Variants in CCDC186 observed in about 807,000 individuals in gnomAD.
CCDC186 encodes the protein coiled-coil domain containing 186.
In CCDC186, 49 loss-of-function variants were observed where a neutral mutation model predicts 113.7. That is an observed-to-expected ratio of 0.43 (90% CI 0.34 to 0.55). The LOEUF (loss-of-function observed/expected upper bound fraction) is 0.55. CCDC186 is among the 20% of genes least tolerant of loss of function. The pLI, the probability that CCDC186 is intolerant of heterozygous loss-of-function variation, is 0.02. For synonymous variants in CCDC186, 355 were observed against 345.8 expected, an observed-to-expected ratio of 1.03 and a Z score of -0.30; for missense variants, 890 against 1,011.1, an observed-to-expected ratio of 0.88 and a Z score of 1.62.
intron 7 of CCDC186, among the ~76,000 whole-genome samples, chr10:114,136,893 T>C (rs1589612332): frequency 6.6e-6 from 1 of 152,106 alleles, no homozygotes; most frequent in African/African-American, 2.4e-5. Flanking sequence ...CTGAGGCGGG[T>C]GGCTCCCGAA....
chr10:114,135,478 C>T (rs1238967959), intron 9 of CCDC186, among the ~76,000 whole-genome samples: 1 of 152,102 alleles, frequency 6.6e-6, no homozygotes, highest in Non-Finnish European at 1.5e-5. Flanking sequence ...ACTATAAACA[C>T]GAAGAGGACT....
chr10:114,165,075 A>G (rs2032296975), intron 1 of CCDC186, among the ~76,000 whole-genome samples: 1 of 152,264 alleles, frequency 6.6e-6, no homozygotes, highest in African/African-American at 2.4e-5. Flanking sequence ...AGAAAGGAAA[A>G]GTAGACCAGC....
chr10:114,135,766 T>C, intron 9 of CCDC186, 125 bp downstream of exon 9: 2 of 749,252 alleles, frequency 2.7e-6, no homozygotes, highest in Non-Finnish European at 2.1e-6. Context: ...TCTACTCTAC[T>C]GAGTTCCTTT....
At chr10:114,149,925 G>T (rs560661009) in intron 4 of CCDC186, among the ~76,000 whole-genome samples, 2 of 152,178 alleles carry the variant, frequency 1.3e-5, no homozygotes, top group East Asian at 3.9e-4. Flanking sequence ...GTTTGGGCCC[G>T]CTAAAACCAG....
intron 2 of CCDC186, 105 bp from the exon 3 acceptor site, chr10:114,157,785 T>C: frequency 1.2e-6 from 1 of 819,426 alleles, no homozygotes; most frequent in Non-Finnish European, 1.8e-6. Flanking sequence ...TATCTATAAT[T>C]ATTCATTATG....
Position 114,137,279 on chromosome 10 carries a change from A to G in CCDC186, c.1233T>C (p.Asp411=). The G allele has an allele frequency of 6.2e-7, 1 of 1,612,986 alleles. No individual in the cohort carries two copies. Among genetic ancestry groups the G allele is most frequent in the Non-Finnish European group, 8.5e-7 (1 of 1,179,692 alleles). ...AEMDSHKETK[D]KLKETTTKLT... The stretch of plus-strand genomic sequence containing the variant: ...ATTTTGTTGTTGTTTCTTTGAGTTT[A>G]TCTTTGGTTTCCTGCATTGACAAAA... Residue 411 remains aspartate (D), a synonymous_variant, in exon 7 of 16, where the codon GAT becomes GAC. Coordinates refer to ENST00000369287, the MANE Select transcript of CCDC186 (RefSeq NM_018017.4).
At chr10:114,165,740 C>T (rs975469621) in intron 1 of CCDC186, among the ~76,000 whole-genome samples, 2 of 150,546 alleles carry the variant, frequency 1.3e-5, no homozygotes, top group African/African-American at 2.5e-5. Flanking sequence ...CCCAGCTACT[C>T]GGGAGGCTGA....
chr10:114,163,189 C>A lies in CCDC186; in HGVS notation c.80G>T (p.Cys27Phe), dbSNP rs1246545838. The change falls in exon 2 of 16, where the codon TGC (cysteine) becomes TTC (phenylalanine). Residue 27 changes from cysteine (C) to phenylalanine (F), a missense_variant. Transcript: ENST00000369287. ...GKTPELKEDS[C>F]NLFSGNESSK... ...GCTTTCATTGCCAGAAAACAAGTTG[C>A]ATGAGTCTTCCTTTAATTCAGGTGT... is the stretch of plus-strand genomic sequence containing the variant. The A allele has an allele frequency of 6.2e-7, 1 of 1,613,960 alleles. No homozygotes were observed. The highest frequency in any genetic ancestry group is 8.5e-7 in the Non-Finnish European group (1 of 1,179,982).
rs2031243703 is a variant in CCDC186 at position 114,135,892 on chromosome 10, T to C, written c.1511A>G (p.Lys504Arg). 6.2e-7 allele frequency: 1 copy of C among 1,602,296 alleles called. No individual in the cohort carries two copies. The highest frequency in any genetic ancestry group is 8.5e-7 in the Non-Finnish European group (1 of 1,170,502). ...GMDELRTLRT[K>R]VKCLEDERLR... ...ATTCATGACTAAAGACTGAATTACC[T>C]TTGTTCTCAGTGTTCTTAACTCATC... The change falls in exon 9 of 16, where the codon AAG (lysine) becomes AGG (arginine). Residue 504 changes from lysine to arginine, a missense_variant and splice_region_variant. Physicochemically the swap from Lys to Arg is conservative, Grantham distance 26. Transcript: ENST00000369287.
Position 114,162,670 on chromosome 10 carries a change from T to C in CCDC186, c.599A>G (p.Asp200Gly). The C allele has an allele frequency of 6.3e-7, 1 of 1,594,724 alleles. No individual in the cohort carries two copies. The highest frequency in any genetic ancestry group is 8.5e-7 in the Non-Finnish European group (1 of 1,173,992). ...GATATGTTCCTGCTGCAAATATTTA[T>C]CTTGCACACACTTTTCAAACAGAAC... is the stretch of plus-strand genomic sequence containing the variant. The part of the protein sequence containing the change: ...ALVLFEKCVQ[D>G]KYLQQEHIIK... Residue 200 changes from aspartate to glycine, a missense_variant, in exon 2 of 16, where the codon GAT becomes GGT. Transcript: ENST00000369287.
At chr10:114,162,495 ACATT>A (rs1161423439) in intron 2 of CCDC186, 138 bp downstream of exon 2, 9 of 603,244 alleles carry the variant, frequency 1.5e-5, no homozygotes, top group Non-Finnish European at 2.2e-5. Flanking sequence ...CAGCAACTAT[ACATT>A]TATTGTTCAA....
intron 6 of CCDC186, among the ~76,000 whole-genome samples, chr10:114,141,383 A>C (rs988438999): frequency 6.6e-6 from 1 of 152,094 alleles, no homozygotes; most frequent in Non-Finnish European, 1.5e-5. Context: ...ACTTGAAACA[A>C]ATTATTTGAA....
Position 114,124,037 on chromosome 10 carries a change from A to G in CCDC186, c.*1106T>C, listed in dbSNP as rs1461766353. The G allele has an allele frequency of 6.6e-6, 1 of 152,104 alleles. No individual in the cohort carries two copies. Among genetic ancestry groups the G allele is most frequent in the Non-Finnish European group, 1.5e-5 (1 of 68,048 alleles). The allele number at this position is 152,104 out of a possible 1,614,324, so 9.4% of individuals were successfully genotyped here. A position where few individuals can be genotyped will look rare whatever the true frequency, so the allele number is the denominator to read the frequency against. ...AATCTTTTAAAATTTCTTTGTAGAG[A>G]TGGGGGTCTCGCTATGTTGCCAAGG... On this transcript the variant is annotated 3_prime_UTR_variant, in exon 16 of 16. Transcript: ENST00000369287.
At chr10:114,140,792 C>T (rs886417176) in intron 6 of CCDC186, among the ~76,000 whole-genome samples, 5 of 151,958 alleles carry the variant, frequency 3.3e-5, no homozygotes, top group African/African-American at 1.2e-4. Context: ...CCTTATCATA[C>T]TCATGCTTTT....
intron 2 of CCDC186, 120 bp downstream of exon 2, chr10:114,162,517 G>A (rs1431972172): frequency 4.2e-6 from 3 of 716,494 alleles, no homozygotes; most frequent in Non-Finnish European, 6.6e-6. Context: ...CAACTACTAT[G>A]TGCATGATTC....
Position 114,123,761 on chromosome 10 carries a change from C to T in CCDC186, c.*1382G>A, listed in dbSNP as rs35807494. 0.23 allele frequency: 35,609 copies of T among 152,052 alleles called. 4,391 individuals carry two copies. Among genetic ancestry groups the T allele is most frequent in the Middle Eastern group, 0.29 (85 of 294 alleles). 9.4% of individuals were successfully genotyped at this position (152,052 alleles called of 1,614,324 possible). Reference sequence around the variant, plus strand: ...AACACTTAAGTGTCTATCTTAAACACTGTAAAAAATCCAACAAGATAGAAA... The same window carrying T: ...AACACTTAAGTGTCTATCTTAAACATTGTAAAAAATCCAACAAGATAGAAA... On this transcript the variant is annotated 3_prime_UTR_variant, in exon 16 of 16. Coordinates refer to ENST00000369287, the MANE Select transcript of CCDC186 (RefSeq NM_018017.4).
intron 1 of CCDC186, chr10:114,173,048 C>G: frequency 1.7e-5 from 6 of 350,228 alleles, no homozygotes; most frequent in South Asian, 1.3e-4. Context: ...TACTGAACAC[C>G]TTAGAAGACA....
chr10:114,141,283 C>A (rs1477702104), intron 6 of CCDC186, among the ~76,000 whole-genome samples: 1 of 152,082 alleles, frequency 6.6e-6, no homozygotes, highest in Non-Finnish European at 1.5e-5. Context: ...TGACTGGATG[C>A]CAAACACAGT....
Position 114,145,544 on chromosome 10 carries a change from TA to T in CCDC186, c.1101+4del. ...TCAACATATTTCAAATGGCACAAGTTATACCTTAGTTTCATACAGCTGGTGC... is the reference window on the plus strand; with the variant it reads ...TCAACATATTTCAAATGGCACAAGTTTACCTTAGTTTCATACAGCTGGTGC... On this transcript the variant is annotated splice_donor_region_variant and intron_variant, in intron 5 of 15. Transcript: ENST00000369287. 1.9e-6 allele frequency: 3 copies of T among 1,593,346 alleles called. No homozygotes were observed. Among genetic ancestry groups the T allele is most frequent in the Non-Finnish European group, 2.6e-6 (3 of 1,174,260 alleles).
Sources: gnomAD v4.1 joint callset for allele counts (sites outside exome capture counted in the v4.1 genomes callset) on GRCh38, gnomAD v4.1.1 for gene constraint, MANE v1.5 for transcripts, NCBI Gene and HGNC (gene_info 2026-07-23, HGNC 2026-07-21) for gene names.